ZNF280B: variants seen among roughly 807,000 people sequenced by gnomAD.
ZNF280B encodes zinc finger protein 280B, also known as suppressor of hairy wing homolog 2.
ZNF280B carries 16 observed loss-of-function variants against 38.0 expected under a neutral mutation model. The observed-to-expected ratio is 0.42, with a 90% CI of 0.28 to 0.64. The LOEUF (loss-of-function observed/expected upper bound fraction) is 0.64, where lower values mean the gene tolerates loss of function less well. Among genes scored for constraint, ZNF280B ranks in the 30% least tolerant of loss-of-function variants. The pLI is 0.21. For synonymous variants in ZNF280B, 253 were observed against 230.6 expected, an observed-to-expected ratio of 1.10 and a Z score of -0.88; for missense variants, 581 against 639.6, an observed-to-expected ratio of 0.91 and a Z score of 0.99.
At chr22:22,506,419 G>C (rs564195401) in intron 2 of ZNF280B, among the ~76,000 whole-genome samples, 96 of 151,950 alleles carry the variant, frequency 6.3e-4, no homozygotes, top group African/African-American at 2.3e-3. Context: ...AATATATGCT[G>C]CCAATAGATC....
At chr22:22,503,081 T>C (rs1029119070) in intron 2 of ZNF280B, among the ~76,000 whole-genome samples, 1 of 152,012 alleles carries the variant, frequency 6.6e-6, no homozygotes. Context: ...CCGCTAGAGT[T>C]TCCCAGGGGA....
At chr22:22,505,035 T>G (rs192360346) in intron 2 of ZNF280B, among the ~76,000 whole-genome samples, 1 of 151,854 alleles carries the variant, frequency 6.6e-6, no homozygotes, top group Non-Finnish European at 1.5e-5. Flanking sequence ...AAAAATAAAG[T>G]AGGAAATGGA....
At chr22:22,493,068 T>C (rs1381007629) in intron 3 of ZNF280B, among the ~76,000 whole-genome samples, 3 of 151,782 alleles carry the variant, frequency 2.0e-5, no homozygotes, top group Non-Finnish European at 4.4e-5. Context: ...TGAAGTGCAG[T>C]GGCACGATCT....
intron 2 of ZNF280B, among the ~76,000 whole-genome samples, chr22:22,506,509 G>C (rs545043227): frequency 1.3e-3 from 201 of 151,850 alleles, no homozygotes; most frequent in Non-Finnish European, 2.2e-3. Flanking sequence ...GACAGCAGTG[G>C]GTTTAAGGAA....
intron 2 of ZNF280B, among the ~76,000 whole-genome samples, chr22:22,502,954 A>G (rs989654899): frequency 6.6e-6 from 1 of 151,948 alleles, no homozygotes; most frequent in Non-Finnish European, 1.5e-5. Flanking sequence ...GCAGAGGGAG[A>G]TTTCACACAT....
chr22:22,493,284 G>A (rs147867386), intron 3 of ZNF280B, among the ~76,000 whole-genome samples: 1,768 of 152,034 alleles, frequency 0.012, 37 homozygotes, highest in African/African-American at 0.038. Context: ...TGGGATTACA[G>A]GCGTAAGCCA....
At chr22:22,499,458 G>A (rs1435265112) in intron 2 of ZNF280B, among the ~76,000 whole-genome samples, 8 of 151,546 alleles carry the variant, frequency 5.3e-5, no homozygotes, top group Non-Finnish European at 4.4e-5. Flanking sequence ...GTAGAGACAT[G>A]GTTTCTCCAT....
rs2061537958 is a variant in ZNF280B at position 22,488,774 on chromosome 22, G to T, written c.625C>A (p.His209Asn). Reference sequence around the variant, plus strand: ...GTACTTTGCTGAGTATTCATTGTATGAAAGGTATCTGAAGGGAATGAAGCT... The same window carrying T: ...GTACTTTGCTGAGTATTCATTGTATTAAAGGTATCTGAAGGGAATGAAGCT... Reference protein sequence around the residue: ...SSASFPSDTFHTMNTQQSTPS... With the variant: ...SSASFPSDTFNTMNTQQSTPS... The change falls in exon 4 of 4, where the codon CAT becomes AAT. Residue 209 changes from histidine to asparagine, a missense_variant. Transcript: ENST00000626650. The T allele has an allele frequency of 2.5e-6, 4 of 1,613,872 alleles. No individual in the cohort carries two copies. In the East Asian group the frequency reaches 8.9e-5, roughly 36 times the overall value.
chr22:22,498,784 G>A (rs2146819002), intron 2 of ZNF280B, among the ~76,000 whole-genome samples: 2 of 134,106 alleles, frequency 1.5e-5, no homozygotes, highest in East Asian at 4.8e-4. Flanking sequence ...AAAACTACAG[G>A]CCAATATCCT....
At position 22,488,194 on chromosome 22, in the gene ZNF280B, G is replaced by C; in HGVS notation, c.1205C>G (p.Pro402Arg). The C allele has an allele frequency of 6.2e-7, 1 of 1,613,858 alleles. No individual in the cohort carries two copies. Among genetic ancestry groups the C allele is most frequent in the East Asian group, 2.2e-5 (1 of 44,796 alleles). Residue 402 changes from proline to arginine, a missense_variant, in exon 4 of 4, where the codon CCC (proline) becomes CGC (arginine). Physicochemically the swap from Pro to Arg is moderately radical, Grantham distance 103 (BLOSUM62 -2). Coordinates refer to ENST00000626650, the MANE Select transcript of ZNF280B (RefSeq NM_080764.4). ...MKDHHKPGEM[P>R]YVCQVCHYRS... The stretch of plus-strand genomic sequence containing the variant: ...ATAATGGCAAACCTGGCACACATAG[G>C]GCATTTCGCCAGGCTTATGATGGTC...
chr22:22,497,196 G>C (rs17581344), intron 2 of ZNF280B, among the ~76,000 whole-genome samples: 2,710 of 106,820 alleles, frequency 0.025, 43 homozygotes, highest in Non-Finnish European at 0.033. Flanking sequence ...GCAGAATCTT[G>C]GTCTCCATCT....
At chr22:22,504,421 C>G (rs1400245198) in intron 2 of ZNF280B, among the ~76,000 whole-genome samples, 5 of 141,748 alleles carry the variant, frequency 3.5e-5, no homozygotes, top group Non-Finnish European at 7.5e-5. Context: ...AGCAAGACTC[C>G]GTCTGAAAAA....
At position 22,505,522 on chromosome 22, in the gene ZNF280B, T is replaced by G. The variant is rs576409814; in HGVS notation, c.-187+2288A>C. ...CAGAGGCTGCGGTGTGCTGAGATCA[T>G]GCCACTGCACTCCAGCCTGGGTGGC... On this transcript the variant is annotated intron_variant, in intron 2 of 3. Coordinates refer to ENST00000626650, the MANE Select transcript of ZNF280B (RefSeq NM_080764.4). Among the ~76,000 whole-genome samples the G allele has an allele frequency of 4.7e-4, 72 of 151,772 alleles. 1 individual carries two copies. In the South Asian group the frequency reaches 0.015, roughly 31 times the overall value.
chr22:22,490,928 C>A (rs1285323651), intron 3 of ZNF280B, among the ~76,000 whole-genome samples: 1 of 151,844 alleles, frequency 6.6e-6, no homozygotes, highest in Non-Finnish European at 1.5e-5. Flanking sequence ...AATATTCCAA[C>A]CAACCTCTAA....
At chr22:22,505,452 G>A (rs1276722503) in intron 2 of ZNF280B, among the ~76,000 whole-genome samples, 1 of 151,908 alleles carries the variant, frequency 6.6e-6, no homozygotes, top group Non-Finnish European at 1.5e-5. Context: ...TGTAGTCCCA[G>A]CTACTCGGGA....
Position 22,488,062 on chromosome 22 carries a change from G to C in ZNF280B, c.1337C>G (p.Pro446Arg). ...FCLKIFKTAT[P>R]YMCHYRGHWG... ...GTGGCCCCTATAATGACACATGTAT[G>C]GTGTTGCTGTTTTGAAAATTTTGAG... The change falls in exon 4 of 4, where the codon CCA becomes CGA. Residue 446 changes from proline to arginine, a missense_variant. By Grantham distance (103) the Pro-to-Arg change is moderately radical. Coordinates refer to ENST00000626650, the MANE Select transcript of ZNF280B (RefSeq NM_080764.4). 6.2e-7 allele frequency: 1 copy of C among 1,613,892 alleles called. No individual in the cohort carries two copies. The highest frequency in any genetic ancestry group is 2.2e-5 in the East Asian group (1 of 44,822).
At chr22:22,505,941 C>T (rs1260160473) in intron 2 of ZNF280B, among the ~76,000 whole-genome samples, 2 of 151,752 alleles carry the variant, frequency 1.3e-5, no homozygotes, top group Non-Finnish European at 2.9e-5. Context: ...AAGCAGAAGA[C>T]AAGAAGCTAC....
In ZNF280B at chr22:22,485,004, AT is replaced by A. The variant is rs2061486552; in HGVS notation, c.*2762del. 6.6e-6 allele frequency: 1 copy of A among 152,374 alleles called. No individual in the cohort carries two copies. The highest frequency in any genetic ancestry group is 6.6e-5 in the Admixed American group (1 of 15,236). The allele number at this position is 152,374 out of a possible 1,614,324, so 9.4% of individuals were successfully genotyped here. ...AGGGCATTCTAAGAAAGACAACAGC[AT>A]GTGCAAAGTCTTTGGATTGGGAAGA... is the stretch of plus-strand genomic sequence containing the variant. On this transcript the variant is annotated 3_prime_UTR_variant, in exon 4 of 4. Coordinates refer to ENST00000626650, the MANE Select transcript of ZNF280B (RefSeq NM_080764.4).
Position 22,505,299 on chromosome 22 carries a change from C to T in ZNF280B, c.-187+2511G>A, listed in dbSNP as rs183067175. ...CTTCAGCTTTGGCCAGGTGTGGTGG[C>T]TCACATCTGTAATCCCAACACTTTG... is the stretch of plus-strand genomic sequence containing the variant. On this transcript the variant is annotated intron_variant, in intron 2 of 3. Coordinates refer to ENST00000626650, the MANE Select transcript of ZNF280B (RefSeq NM_080764.4). Among the ~76,000 whole-genome samples, 107 of 152,078 alleles carry T rather than the reference C, an allele frequency of 7.0e-4. 1 individual carries two copies. The highest frequency in any genetic ancestry group is 1.4e-3 in the Non-Finnish European group (93 of 68,000).
Sources: allele counts gnomAD v4.1 joint callset (sites outside exome capture counted in the v4.1 genomes callset), GRCh38; gene constraint gnomAD v4.1.1; transcripts MANE v1.5; gene names NCBI Gene and HGNC (gene_info 2026-07-23, HGNC 2026-07-21).